DTD1: variants seen among roughly 807,000 people sequenced by gnomAD.
DTD1 encodes the protein D-aminoacyl-tRNA deacylase 1.
Under a neutral mutation model 25.6 loss-of-function variants are expected in DTD1, and 13 were observed. The ratio of observed to expected loss-of-function variants is 0.51; its 90% CI spans 0.33 to 0.81. DTD1 has a LOEUF of 0.81. Among genes scored for constraint, DTD1 ranks in the 30% least tolerant of loss-of-function variants. The pLI is 0.02. For missense variants in DTD1, 193 were observed against 266.4 expected (o/e 0.72, Z 1.92); for synonymous variants, 110 against 103.6 (o/e 1.06, Z -0.37).
intron 4 of DTD1, among the ~76,000 whole-genome samples, chr20:18,737,057 C>T (rs896530042): frequency 1.6e-4 from 25 of 152,200 alleles, no homozygotes; most frequent in African/African-American, 5.8e-4. Context: ...GGTGTTGCCT[C>T]AACTCCTCTG....
intron 4 of DTD1, among the ~76,000 whole-genome samples, chr20:18,699,208 C>G (rs1200760823): frequency 6.6e-6 from 1 of 152,180 alleles, no homozygotes; most frequent in Non-Finnish European, 1.5e-5. Flanking sequence ...AAAGCTTTCT[C>G]CAAAACCACA....
At chr20:18,625,550 G>C (rs531196102) in intron 3 of DTD1, among the ~76,000 whole-genome samples, 114 of 152,318 alleles carry the variant, frequency 7.5e-4, no homozygotes, top group South Asian at 1.9e-3. Context: ...GAACCACCAT[G>C]GATGCTAGCG....
intron 3 of DTD1, among the ~76,000 whole-genome samples, chr20:18,607,521 G>A (rs903839607): frequency 6.6e-6 from 1 of 152,082 alleles, no homozygotes; most frequent in African/African-American, 2.4e-5. Flanking sequence ...AATGAGTTGG[G>A]AAGTACCCCC....
intron 4 of DTD1, among the ~76,000 whole-genome samples, chr20:18,663,102 CTA>C (rs2122375821): frequency 6.6e-6 from 1 of 152,248 alleles, no homozygotes; most frequent in Admixed American, 6.5e-5. Context: ...GTTAACCTCT[CTA>C]TTAACAATGG....
intron 4 of DTD1, among the ~76,000 whole-genome samples, chr20:18,652,430 G>T (rs925937433): frequency 6.6e-6 from 1 of 152,166 alleles, no homozygotes; most frequent in Non-Finnish European, 1.5e-5. Context: ...TTTCTGGTGC[G>T]TACTTGGCTC....
intron 4 of DTD1, among the ~76,000 whole-genome samples, chr20:18,742,446 G>C (rs527247522): frequency 6.6e-6 from 1 of 152,292 alleles, no homozygotes; most frequent in African/African-American, 2.4e-5. Context: ...CAGGAGGTGA[G>C]CAGCCTATGA....
chr20:18,733,418 C>G (rs1192698529), intron 4 of DTD1, among the ~76,000 whole-genome samples: 1 of 152,146 alleles, frequency 6.6e-6, no homozygotes, highest in African/African-American at 2.4e-5. Context: ...CTGGGGGACA[C>G]AGTGGGCTCT....
chr20:18,725,010 AC>A, intron 4 of DTD1, among the ~76,000 whole-genome samples: 1 of 152,372 alleles, frequency 6.6e-6, no homozygotes, highest in East Asian at 1.9e-4. Flanking sequence ...CCAGGAAAGA[AC>A]CCTGGTGAGC....
intron 4 of DTD1, among the ~76,000 whole-genome samples, chr20:18,680,058 A>C (rs942300053): frequency 6.6e-6 from 1 of 152,216 alleles, no homozygotes; most frequent in Non-Finnish European, 1.5e-5. Flanking sequence ...CTATAGACCT[A>C]GGTAGATTTA....
chr20:18,664,895 C>T (rs1600352124), intron 4 of DTD1, among the ~76,000 whole-genome samples: 1 of 152,006 alleles, frequency 6.6e-6, no homozygotes, highest in Non-Finnish European at 1.5e-5. Flanking sequence ...TCCCATCTTC[C>T]CCCACCTCTT....
chr20:18,733,780 A>T (rs1386571564), intron 4 of DTD1, among the ~76,000 whole-genome samples: 1 of 152,222 alleles, frequency 6.6e-6, no homozygotes, highest in Non-Finnish European at 1.5e-5. Context: ...ATTAAAAAAA[A>T]TTCTACAAAA....
chr20:18,648,750 A>G lies in DTD1; in HGVS notation c.477+20517A>G, dbSNP rs183180132. ...TATTGTGCAGTGCCAGTTTTAAATG[A>G]AAATTTAAGGCCGAGGTGGGCGGAT... On this transcript the variant is annotated intron_variant, in intron 4 of 5. Transcript: ENST00000377452. Among the ~76,000 whole-genome samples the G allele has an allele frequency of 5.7e-4, 86 of 152,184 alleles. 1 individual carries two copies. The highest frequency in any genetic ancestry group is 9.4e-4 in the Non-Finnish European group (64 of 68,010).
chr20:18,658,548 C>A (rs951920337), intron 4 of DTD1, among the ~76,000 whole-genome samples: 1 of 152,108 alleles, frequency 6.6e-6, no homozygotes, highest in African/African-American at 2.4e-5. Context: ...CTTTGATGTT[C>A]TTTTCTGAGA....
chr20:18,599,414 A>G (rs1022972416), intron 3 of DTD1, among the ~76,000 whole-genome samples: 1 of 152,166 alleles, frequency 6.6e-6, no homozygotes, highest in Non-Finnish European at 1.5e-5. Context: ...ACCTCAGGTA[A>G]TCCGCCCACA....
Position 18,635,703 on chromosome 20 carries a change from A to G in DTD1, c.477+7470A>G, listed in dbSNP as rs145647736. Among the ~76,000 whole-genome samples the G allele has an allele frequency of 2.0e-5, 3 of 152,324 alleles. No individual in the cohort carries two copies. In the East Asian group the frequency reaches 5.8e-4, roughly 29 times the overall value. Reference sequence around the variant, plus strand: ...TCCTGGTGGAGAGCTGTAAGGGATCACTTTTATCACTTTAATTTGTTTCCA... The same window carrying G: ...TCCTGGTGGAGAGCTGTAAGGGATCGCTTTTATCACTTTAATTTGTTTCCA... On this transcript the variant is annotated intron_variant, in intron 4 of 5. Coordinates refer to ENST00000377452, the MANE Select transcript of DTD1 (RefSeq NM_080820.6).
chr20:18,759,325 C>G (rs2061351860), intron 5 of DTD1, among the ~76,000 whole-genome samples: 1 of 152,174 alleles, frequency 6.6e-6, no homozygotes. Context: ...CAGTTTCTTC[C>G]TAGCCTCGAT....
intron 3 of DTD1, among the ~76,000 whole-genome samples, chr20:18,601,486 G>A (rs1370769972): frequency 1.5e-5 from 2 of 136,074 alleles, no homozygotes; most frequent in South Asian, 2.4e-4. Context: ...ATGACAGAGC[G>A]GGACTCTGTC....
rs908233622 is a variant in DTD1 at position 18,766,041 on chromosome 20, A to G, written c.*2701A>G. ...GCTCTTGTGGCTACACAAAACATAG[A>G]CCAAATAAAGGCATCTTTGGGGGCT... is the stretch of plus-strand genomic sequence containing the variant. On this transcript the variant is annotated 3_prime_UTR_variant, in exon 6 of 6. Transcript: ENST00000377452. 2.0e-5 allele frequency: 3 copies of G among 152,202 alleles called. No individual in the cohort carries two copies. The highest frequency in any genetic ancestry group is 4.8e-5 in the African/African-American group (2 of 41,448). The allele number at this position is 152,202 out of a possible 1,614,324, so 9.4% of individuals were successfully genotyped here.
intron 5 of DTD1, 22 bp from the exon 6 acceptor site, chr20:18,763,338 G>A (rs6081363): frequency 0.25 from 37,875 of 152,554 alleles, 5,016 homozygotes; most frequent in Middle Eastern, 0.34. Flanking sequence ...TCTTAATAAC[G>A]TGTCTTCTTT....
Sources: allele counts gnomAD v4.1 joint callset (sites outside exome capture counted in the v4.1 genomes callset), GRCh38; gene constraint gnomAD v4.1.1; transcripts MANE v1.5; gene names NCBI Gene and HGNC (gene_info 2026-07-23, HGNC 2026-07-21).